Variants in KLF12 observed in about 807,000 individuals in gnomAD.
KLF12 encodes Krueppel-like factor 12.
A neutral mutation model predicts 37.8 loss-of-function variants in KLF12; 9 were observed. The ratio of observed to expected loss-of-function variants is 0.24; its 90% confidence interval spans 0.14 to 0.42. The LOEUF (loss-of-function observed/expected upper bound fraction) is 0.42, where lower values mean the gene tolerates loss of function less well. Among genes scored for constraint, KLF12 ranks in the 10% least tolerant of loss-of-function variants. The pLI is 1.00. For missense variants in KLF12, 411 were observed against 516.0 expected, an observed-to-expected ratio of 0.80 and a Z score of 1.97; for synonymous variants, 208 against 202.1, an observed-to-expected ratio of 1.03 and a Z score of -0.25.
the KLF12 span, among the ~76,000 whole-genome samples, chr13:74,268,125 A>G: frequency 2.0e-5 from 3 of 149,924 alleles, no homozygotes; most frequent in African/African-American, 7.4e-5. Flanking sequence ...GTTTGTGACA[A>G]TTTGTTACAA....
At chr13:74,116,082 T>C (rs1877286660) in intron 1 of KLF12, among the ~76,000 whole-genome samples, 2 of 152,192 alleles carry the variant, frequency 1.3e-5, no homozygotes, top group Non-Finnish European at 2.9e-5. Flanking sequence ...AATAAACTTA[T>C]AGATAAACCC....
At chr13:74,129,012 A>G (rs1216699807) in intron 1 of KLF12, among the ~76,000 whole-genome samples, 4 of 152,224 alleles carry the variant, frequency 2.6e-5, no homozygotes, top group Non-Finnish European at 5.9e-5. Flanking sequence ...ATATAGATAT[A>G]TAAGATGATG....
intron 7 of KLF12, among the ~76,000 whole-genome samples, chr13:73,709,895 A>G (rs1188500914): frequency 6.6e-6 from 1 of 152,202 alleles, no homozygotes; most frequent in African/African-American, 2.4e-5. Flanking sequence ...CATCCCATTC[A>G]ATACATTCAT....
intron 2 of KLF12, among the ~76,000 whole-genome samples, chr13:73,972,748 C>T (rs1891384197): frequency 6.6e-6 from 1 of 150,924 alleles, no homozygotes; most frequent in African/African-American, 2.4e-5. Context: ...TGCCCTTCTG[C>T]ACTCTAAAGA....
At chr13:74,224,551 A>ATT in the KLF12 span, among the ~76,000 whole-genome samples, 1 of 152,190 alleles carries the variant, frequency 6.6e-6, no homozygotes, top group African/African-American at 2.4e-5. Flanking sequence ...TTTCCCTAGC[A>ATT]TTTGAGCTCT....
At chr13:73,721,718 A>ATTT (rs11390848) in intron 6 of KLF12, among the ~76,000 whole-genome samples, 5 of 145,404 alleles carry the variant, frequency 3.4e-5, no homozygotes, top group Admixed American at 6.9e-5. Context: ...TGCCTAGTTA[A>ATTT]TTTTTTTTTT....
the KLF12 span, among the ~76,000 whole-genome samples, chr13:74,142,181 A>G: frequency 8.5e-5 from 13 of 152,218 alleles, no homozygotes; most frequent in Non-Finnish European, 1.5e-5. Context: ...GTGAATCACA[A>G]TTTAGCTTCA....
chr13:74,198,545 T>C, the KLF12 span, among the ~76,000 whole-genome samples: 1 of 152,196 alleles, frequency 6.6e-6, no homozygotes, highest in South Asian at 2.1e-4. Context: ...ATCTGGAAAC[T>C]TTTAAAGCAA....
intron 1 of KLF12, among the ~76,000 whole-genome samples, chr13:74,055,923 C>T (rs1481680973): frequency 6.6e-6 from 1 of 152,124 alleles, no homozygotes; most frequent in African/African-American, 2.4e-5. Context: ...TAGATGTGCA[C>T]AGGTGGGTAA....
the KLF12 span, among the ~76,000 whole-genome samples, chr13:74,188,488 A>C: frequency 3.3e-4 from 50 of 152,282 alleles, no homozygotes; most frequent in African/African-American, 1.1e-3. Context: ...TATAATTGAA[A>C]TATGTTATTG....
intron 2 of KLF12, among the ~76,000 whole-genome samples, chr13:73,963,454 A>G (rs986342340): frequency 3.3e-5 from 5 of 152,146 alleles, no homozygotes; most frequent in Non-Finnish European, 7.4e-5. Flanking sequence ...TGCCTCAACT[A>G]ACCTTAACTT....
In KLF12 at chr13:73,965,587, G is replaced by A. The variant is rs533060120; in HGVS notation, c.34-21517C>T. On this transcript the variant is annotated intron_variant, in intron 2 of 7. Coordinates refer to ENST00000377669, the MANE Select transcript of KLF12 (RefSeq NM_007249.5). ...CTGTTTACGATCCATCCCCTTCTGC[G>A]TGGTCCATGCAGTGATAACGTGGAG... Among the ~76,000 whole-genome samples, 9 of 152,254 alleles carry A rather than the reference G, an allele frequency of 5.9e-5. No homozygotes were observed. The South Asian group carries it at 8.3e-4, about 14-fold the overall frequency.
the KLF12 span, among the ~76,000 whole-genome samples, chr13:74,190,592 A>G: frequency 0.046 from 7,020 of 152,254 alleles, 498 homozygotes; most frequent in African/African-American, 0.16. Flanking sequence ...CTTGGTTTCT[A>G]ATCTGCTTCC....
chr13:74,160,001 C>CAAA, the KLF12 span, among the ~76,000 whole-genome samples: 5 of 95,758 alleles, frequency 5.2e-5, no homozygotes, highest in Admixed American at 1.1e-4. Flanking sequence ...GACCTTGTCT[C>CAAA]AAAAAAAAAA....
At chr13:74,221,056 G>C in the KLF12 span, among the ~76,000 whole-genome samples, 1 of 150,448 alleles carries the variant, frequency 6.6e-6, no homozygotes, top group Non-Finnish European at 1.5e-5. Flanking sequence ...CCAGGCTGGA[G>C]TGCAGTGGTG....
upstream of KLF12, among the ~76,000 whole-genome samples, chr13:74,138,598 A>G (rs193225350): frequency 1.6e-4 from 25 of 152,290 alleles, no homozygotes; most frequent in Admixed American, 1.5e-3. Flanking sequence ...TTTTATTGCA[A>G]TCAATACAGT....
chr13:74,172,553 G>A, the KLF12 span, among the ~76,000 whole-genome samples: 1 of 152,168 alleles, frequency 6.6e-6, no homozygotes, highest in African/African-American at 2.4e-5. Flanking sequence ...TGGTCATACA[G>A]TGTTGGCACA....
intron 7 of KLF12, among the ~76,000 whole-genome samples, chr13:73,701,307 A>T (rs1301898964): frequency 1.3e-5 from 2 of 152,240 alleles, no homozygotes; most frequent in Non-Finnish European, 2.9e-5. Context: ...AACTCATTTG[A>T]ATTAGAATTC....
the KLF12 span, among the ~76,000 whole-genome samples, chr13:74,163,855 C>A: frequency 7.2e-6 from 1 of 139,246 alleles, no homozygotes; most frequent in Non-Finnish European, 1.6e-5. Context: ...ATATATACAC[C>A]TACTATGTAC....
Sources: gnomAD v4.1 joint callset for allele counts (sites outside exome capture counted in the v4.1 genomes callset) on GRCh38, gnomAD v4.1.1 for gene constraint, MANE v1.5 for transcripts, NCBI Gene and HGNC (gene_info 2026-07-23, HGNC 2026-07-21) for gene names.